Variants in ATOSA observed in about 807,000 individuals in gnomAD.
The protein encoded by ATOSA is atos homolog protein A.
At chr15:52,600,026 T>A in the ATOSA span, 1 of 515,858 alleles carries the variant, frequency 1.9e-6, no homozygotes, top group Non-Finnish European at 3.4e-6. Context: ...AAGACAATTA[T>A]TTCTTTCCTT....
the ATOSA span, among the ~76,000 whole-genome samples, chr15:52,615,469 C>T: frequency 6.6e-6 from 1 of 152,082 alleles, no homozygotes; most frequent in African/African-American, 2.4e-5. Flanking sequence ...GACACAGAGT[C>T]GTATGCACAT....
the ATOSA span, chr15:52,609,349 C>G: frequency 6.2e-7 from 1 of 1,613,808 alleles, no homozygotes; most frequent in South Asian, 1.1e-5. Context: ...ATATGAACTC[C>G]TAAACACTTT....
At chr15:52,627,307 A>G in the ATOSA span, among the ~76,000 whole-genome samples, 1 of 152,204 alleles carries the variant, frequency 6.6e-6, no homozygotes, top group Admixed American at 6.5e-5. Context: ...GCCAACTTCT[A>G]ATCGTTGATT....
chr15:52,652,079 A>C, the ATOSA span: 1 of 1,442,206 alleles, frequency 6.9e-7, no homozygotes, highest in Non-Finnish European at 9.1e-7. Flanking sequence ...GAGCGCACAT[A>C]GCAACAGCAC....
chr15:52,641,531 C>A, the ATOSA span, among the ~76,000 whole-genome samples: 1 of 152,124 alleles, frequency 6.6e-6, no homozygotes. Flanking sequence ...TGATAGCTTG[C>A]CAAAAAGAAA....
At chr15:52,603,174 T>C in the ATOSA span, among the ~76,000 whole-genome samples, 2 of 152,146 alleles carry the variant, frequency 1.3e-5, no homozygotes, top group African/African-American at 2.4e-5. Flanking sequence ...AAAAAAAATC[T>C]GAACAGACGT....
the ATOSA span, among the ~76,000 whole-genome samples, chr15:52,622,259 A>G: frequency 6.6e-6 from 1 of 152,234 alleles, no homozygotes; most frequent in East Asian, 1.9e-4. Context: ...TTAGTATCTG[A>G]AACACTTTTT....
chr15:52,591,683 C>T, the ATOSA span, among the ~76,000 whole-genome samples: 6 of 152,066 alleles, frequency 3.9e-5, no homozygotes, highest in Non-Finnish European at 7.4e-5. Flanking sequence ...TGTAAGCATT[C>T]GAGTATAATA....
the ATOSA span, among the ~76,000 whole-genome samples, chr15:52,639,497 A>G: frequency 1.2e-4 from 19 of 152,212 alleles, no homozygotes; most frequent in Admixed American, 6.5e-5. Flanking sequence ...TTGTATAATG[A>G]CGGCTTTTAG....
the ATOSA span, among the ~76,000 whole-genome samples, chr15:52,584,099 A>G: frequency 2.0e-5 from 3 of 151,054 alleles, no homozygotes; most frequent in Non-Finnish European, 4.4e-5. Flanking sequence ...AGAAAAAAAA[A>G]AAAAAAAAAA....
At chr15:52,608,521 A>G in the ATOSA span, 2 of 1,513,696 alleles carry the variant, frequency 1.3e-6, no homozygotes, top group East Asian at 2.3e-5. Context: ...AATTTAAACC[A>G]TAACAAATAT....
the ATOSA span, among the ~76,000 whole-genome samples, chr15:52,690,135 C>T: frequency 6.6e-6 from 1 of 152,192 alleles, no homozygotes; most frequent in African/African-American, 2.4e-5. Context: ...AATTTTACAT[C>T]ACTTTCAAAT....
the ATOSA span, chr15:52,611,536 T>C: frequency 1.4e-5 from 23 of 1,590,916 alleles, no homozygotes; most frequent in Non-Finnish European, 2.0e-5. Context: ...GAAAACTTGA[T>C]TTACCAAGAA....
the ATOSA span, among the ~76,000 whole-genome samples, chr15:52,639,961 T>A: frequency 6.6e-6 from 1 of 151,708 alleles, no homozygotes; most frequent in South Asian, 2.1e-4. Context: ...GGTTTCACCA[T>A]GTTGGCCAGG....
At chr15:52,698,934 C>T in the ATOSA span, among the ~76,000 whole-genome samples, 1 of 152,098 alleles carries the variant, frequency 6.6e-6, no homozygotes, top group East Asian at 1.9e-4. Context: ...TTTGGAAACT[C>T]GAGCCATGGC....
At chr15:52,670,309 G>GTGC in the ATOSA span, among the ~76,000 whole-genome samples, 3 of 152,176 alleles carry the variant, frequency 2.0e-5, no homozygotes, top group African/African-American at 7.2e-5. Flanking sequence ...TCCCTACCCA[G>GTGC]TGCTAGGCGT....
chr15:52,633,876 C>T, the ATOSA span, among the ~76,000 whole-genome samples: 1 of 152,096 alleles, frequency 6.6e-6, no homozygotes, highest in South Asian at 2.1e-4. Flanking sequence ...AAAATAATCA[C>T]AATGCATTGT....
chr15:52,611,993 T>C, the ATOSA span, among the ~76,000 whole-genome samples: 1 of 152,164 alleles, frequency 6.6e-6, no homozygotes, highest in African/African-American at 2.4e-5. Context: ...ACATTTATTT[T>C]ATTTTTTTTG....
chr15:52,633,127 G>A, the ATOSA span, among the ~76,000 whole-genome samples: 52 of 152,242 alleles, frequency 3.4e-4, no homozygotes, highest in East Asian at 9.5e-3. Flanking sequence ...TACTCAGGTT[G>A]GGCCTGTATA....
Sources: gnomAD v4.1 joint callset for allele counts (sites outside exome capture counted in the v4.1 genomes callset) on GRCh38, gnomAD v4.1.1 for gene constraint, MANE v1.5 for transcripts, NCBI Gene and HGNC (gene_info 2026-07-23, HGNC 2026-07-21) for gene names.